Variants in SUCO observed in about 807,000 individuals in gnomAD.
SUCO encodes the protein SUN domain-containing ossification factor.
SUCO carries 57 observed loss-of-function variants against 148.1 expected under a neutral mutation model. That is an observed-to-expected ratio of 0.38 (90% CI 0.31 to 0.48). SUCO has a LOEUF of 0.48. Among genes scored for constraint, SUCO ranks in the 20% least tolerant of loss-of-function variants. The pLI is 0.96. For missense variants in SUCO, 1,331 were observed against 1,468.2 expected (o/e 0.91, Z 1.53); for synonymous variants, 470 against 502.7 (o/e 0.93, Z 0.87).
At chr1:172,539,403 T>C (rs1259424435) in intron 1 of SUCO, among the ~76,000 whole-genome samples, 2 of 152,220 alleles carry the variant, frequency 1.3e-5, no homozygotes, top group Non-Finnish European at 2.9e-5. Flanking sequence ...AGTCAAATTG[T>C]ACATGTCACA....
chr1:172,565,326 A>C (rs1014107367), intron 6 of SUCO, among the ~76,000 whole-genome samples: 1 of 152,210 alleles, frequency 6.6e-6, no homozygotes, highest in Non-Finnish European at 1.5e-5. Context: ...GGCAGTTACA[A>C]GCAAAGCAGT....
Position 172,593,669 on chromosome 1 carries a change from C to T in SUCO, c.2913+2598C>T, listed in dbSNP as rs368629261. Among the ~76,000 whole-genome samples, 644 of 152,220 alleles carry T rather than the reference C, an allele frequency of 4.2e-3. 4 individuals are homozygous for T. Among genetic ancestry groups the T allele is most frequent in the South Asian group, 0.018 (87 of 4,818 alleles). On this transcript the variant is annotated intron_variant, in intron 19 of 23. Transcript: ENST00000263688. Reference sequence around the variant, plus strand: ...AAGCTTTTTGATGTGCTGCTGGATTCGGTTTGCCAGTATTTTATTGAGGAT... The same window carrying T: ...AAGCTTTTTGATGTGCTGCTGGATTTGGTTTGCCAGTATTTTATTGAGGAT...
intron 9 of SUCO, among the ~76,000 whole-genome samples, chr1:172,573,448 A>G (rs1242371529): frequency 6.6e-6 from 1 of 152,132 alleles, no homozygotes; most frequent in African/African-American, 2.4e-5. Context: ...ATAGCAAAAT[A>G]TATATACAAA....
intron 1 of SUCO, among the ~76,000 whole-genome samples, chr1:172,538,442 A>G (rs1336004073): frequency 1.3e-5 from 2 of 152,188 alleles, no homozygotes; most frequent in East Asian, 3.9e-4. Flanking sequence ...AGAACAATAT[A>G]TAAGCTGTTT....
intron 15 of SUCO, chr1:172,584,239 G>C: frequency 1.6e-5 from 3 of 190,542 alleles, no homozygotes; most frequent in Non-Finnish European, 2.9e-5. Flanking sequence ...GATAATCTCT[G>C]TTTTGTTTTT....
intron 23 of SUCO, among the ~76,000 whole-genome samples, 192 bp downstream of exon 23, chr1:172,608,994 G>A (rs562098862): frequency 2.1e-4 from 32 of 152,156 alleles, no homozygotes; most frequent in African/African-American, 7.5e-4. Flanking sequence ...TGGGCCATGA[G>A]CCAGATAGGT....
At chr1:172,600,397 T>TA (rs1657422903) in intron 20 of SUCO, among the ~76,000 whole-genome samples, 1 of 152,230 alleles carries the variant, frequency 6.6e-6, no homozygotes, top group African/African-American at 2.4e-5. Flanking sequence ...ATAATATAGG[T>TA]ATAAAACTTC....
intron 6 of SUCO, among the ~76,000 whole-genome samples, chr1:172,563,668 T>G (rs1031392202): frequency 6.6e-6 from 1 of 152,212 alleles, no homozygotes; most frequent in Non-Finnish European, 1.5e-5. Context: ...TATAAAAGTT[T>G]GGAAAATTTG....
intron 15 of SUCO, among the ~76,000 whole-genome samples, chr1:172,582,453 G>A (rs890226781): frequency 2.0e-5 from 3 of 152,070 alleles, no homozygotes; most frequent in African/African-American, 7.2e-5. Context: ...GAGATATTTG[G>A]TCTTTAGGAC....
At chr1:172,551,666 C>T in intron 2 of SUCO, 40 bp downstream of exon 2, 1 of 1,324,234 alleles carries the variant, frequency 7.6e-7, no homozygotes, top group Non-Finnish European at 1.1e-6. Flanking sequence ...TGTGTGTCAG[C>T]TTTCTGAGAG....
At chr1:172,588,533 G>C (rs952889133) in intron 17 of SUCO, 86 of 985,030 alleles carry the variant, frequency 8.7e-5, no homozygotes, top group Non-Finnish European at 1.0e-4. Flanking sequence ...ATGGTGGTTT[G>C]AGTCATCTGG....
At chr1:172,608,688 GCAAATCCAC>G in intron 22 of SUCO, 50 bp from the exon 23 acceptor site, 2 of 1,147,480 alleles carry the variant, frequency 1.7e-6, no homozygotes, top group Non-Finnish European at 1.3e-6. Context: ...TTTAATTATA[GCAAATCCAC>G]CAAATCCACT....
At chr1:172,549,901 A>AG (rs1400791816) in intron 1 of SUCO, among the ~76,000 whole-genome samples, 2 of 151,570 alleles carry the variant, frequency 1.3e-5, no homozygotes, top group Non-Finnish European at 3.0e-5. Flanking sequence ...GAAAAAAAAA[A>AG]AAAATAGAAA....
At chr1:172,572,134 G>A (rs1655058271) in intron 9 of SUCO, among the ~76,000 whole-genome samples, 1 of 135,018 alleles carries the variant, frequency 7.4e-6, no homozygotes, top group Non-Finnish European at 1.6e-5. Context: ...GGGCGCCTCT[G>A]CCCGGCCGCC....
At chr1:172,564,997 T>G (rs1181308169) in intron 6 of SUCO, among the ~76,000 whole-genome samples, 1 of 152,248 alleles carries the variant, frequency 6.6e-6, no homozygotes, top group Non-Finnish European at 1.5e-5. Flanking sequence ...ATTTTATAGA[T>G]GAGAATCATT....
chr1:172,601,666 G>A (rs148364589), intron 20 of SUCO, among the ~76,000 whole-genome samples: 3 of 152,144 alleles, frequency 2.0e-5, no homozygotes, highest in Non-Finnish European at 4.4e-5. Flanking sequence ...TTGGGCTTAC[G>A]TAACTGGGTG....
chr1:172,551,674 G>C, intron 2 of SUCO, 48 bp downstream of exon 2: 1 of 1,228,502 alleles, frequency 8.1e-7, no homozygotes, highest in Non-Finnish European at 1.2e-6. Context: ...AGCTTTCTGA[G>C]AGTGTCTGAA....
intron 1 of SUCO, 40 bp from the exon 2 acceptor site, chr1:172,551,472 T>G (rs1286237930): frequency 1.5e-6 from 2 of 1,304,696 alleles, no homozygotes; most frequent in African/African-American, 3.0e-5. Flanking sequence ...TCTTTCTCTT[T>G]CTCTTTTTCT....
At chr1:172,569,532 A>G (rs1375650602) in intron 7 of SUCO, 1 of 979,068 alleles carries the variant, frequency 1.0e-6, no homozygotes, top group Non-Finnish European at 1.2e-6. Context: ...TGATGTTTCA[A>G]GAACATACCT....
Sources: allele counts gnomAD v4.1 joint callset (sites outside exome capture counted in the v4.1 genomes callset), GRCh38; gene constraint gnomAD v4.1.1; transcripts MANE v1.5; gene names NCBI Gene and HGNC (gene_info 2026-07-23, HGNC 2026-07-21).